SLC35G2: variants seen among roughly 807,000 people sequenced by gnomAD.
The protein encoded by SLC35G2 is solute carrier family 35 member G2.
In SLC35G2, 20 loss-of-function variants were observed where a neutral mutation model predicts 27.2. The observed-to-expected ratio is 0.74, with a 90% CI of 0.52 to 1.07. The LOEUF is 1.07. SLC35G2 is among the 50% of genes least tolerant of loss of function. The pLI is 0.00. For missense variants in SLC35G2, 416 were observed against 493.3 expected, an observed-to-expected ratio of 0.84 and a Z score of 1.48; for synonymous variants, 148 against 165.3, an observed-to-expected ratio of 0.90 and a Z score of 0.80.
rs1159852220 is a variant in SLC35G2, at chr3:136,846,203, C to T, written c.-18-8240C>T. Among the ~76,000 whole-genome samples, 7 of 152,148 alleles carry T rather than the reference C, an allele frequency of 4.6e-5. No individual in the cohort carries two copies. The South Asian group carries it at 1.0e-3, about 23-fold the overall frequency. On this transcript the variant is annotated intron_variant, in intron 1 of 1. Transcript: ENST00000446465. ...CCCACTCTGCAAATTTTGGACATGC[C>T]GACGTGCCAGCCTCCATAATTCTGT...
chr3:136,852,289 T>C (rs1937685091), intron 1 of SLC35G2, among the ~76,000 whole-genome samples: 1 of 152,066 alleles, frequency 6.6e-6, no homozygotes, highest in Non-Finnish European at 1.5e-5. Flanking sequence ...ACAGGTGATA[T>C]TTTTTTCATG....
At chr3:136,826,967 T>TTTTG (rs141248412) in intron 1 of SLC35G2, among the ~76,000 whole-genome samples, 23 of 24,036 alleles carry the variant, frequency 9.6e-4, no homozygotes, top group African/African-American at 2.7e-3. Flanking sequence ...TCTTCTCTCT[T>TTTTG]TTTTCTTTTT....
chr3:136,853,591 A>G (rs997557504), intron 1 of SLC35G2, among the ~76,000 whole-genome samples: 5 of 152,252 alleles, frequency 3.3e-5, no homozygotes, highest in Non-Finnish European at 7.3e-5. Context: ...GTAAAAAAAT[A>G]AATAACAAAA....
chr3:136,855,651 T>G lies in SLC35G2; in HGVS notation c.1191T>G (p.Asn397Lys). ...CTGGCTATAAACTTTACTGGAGGAATTTAAGAAAGCAGGACTACCAGGAAA... is the reference window on the plus strand; with the variant it reads ...CTGGCTATAAACTTTACTGGAGGAAGTTAAGAAAGCAGGACTACCAGGAAA... ...VLAGYKLYWR[N>K]LRKQDYQEIL... The change falls in exon 2 of 2, where the codon AAT becomes AAG. Residue 397 changes from asparagine to lysine, a missense_variant. Physicochemically the swap from Asn to Lys is moderately conservative, Grantham distance 94 (BLOSUM62 0). Transcript: ENST00000446465. 6.2e-7 allele frequency: 1 copy of G among 1,612,350 alleles called. No homozygotes were observed. Among genetic ancestry groups the G allele is most frequent in the Non-Finnish European group, 8.5e-7 (1 of 1,178,482 alleles).
chr3:136,835,431 A>G (rs1936841334), intron 1 of SLC35G2, among the ~76,000 whole-genome samples: 1 of 151,622 alleles, frequency 6.6e-6, no homozygotes, highest in Non-Finnish European at 1.5e-5. Context: ...ATTCTTCCAA[A>G]TGTATCATAT....
In SLC35G2 at chr3:136,855,532, G is replaced by GCTAT; in HGVS notation, c.1073_1076dup (p.Met359IlefsTer14). The GCTAT allele has an allele frequency of 6.2e-7, 1 of 1,614,138 alleles. No individual in the cohort carries two copies. Among genetic ancestry groups the GCTAT allele is most frequent in the East Asian group, 2.2e-5 (1 of 44,888 alleles). On this transcript the variant is annotated frameshift_variant, in exon 2 of 2. Coordinates refer to ENST00000446465, the MANE Select transcript of SLC35G2 (RefSeq NM_025246.3). LOFTEE classifies it high-confidence loss of function. ...AGTACAACATTTGGAGATTGTGGTA[G>GCTAT]CTATGGTCTTGCAGCTTCTCGTGCT...
At chr3:136,849,418 A>G (rs1344827303) in intron 1 of SLC35G2, among the ~76,000 whole-genome samples, 1 of 151,986 alleles carries the variant, frequency 6.6e-6, no homozygotes, top group Non-Finnish European at 1.5e-5. Flanking sequence ...AAACGAAATC[A>G]TGTACCCAAA....
At chr3:136,829,375 C>T (rs1936667899) in intron 1 of SLC35G2, among the ~76,000 whole-genome samples, 1 of 152,098 alleles carries the variant, frequency 6.6e-6, no homozygotes, top group African/African-American at 2.4e-5. Context: ...GCGGCCGCCA[C>T]TATGCCCGGC....
rs1937867245 is a variant in SLC35G2, at chr3:136,854,534, AATATACTTCTC to A, written c.77_87del (p.Tyr26LeufsTer7). On this transcript the variant is annotated frameshift_variant, in exon 2 of 2. Coordinates refer to ENST00000446465, the MANE Select transcript of SLC35G2 (RefSeq NM_025246.3). LOFTEE classifies it high-confidence loss of function. ...ATACATCCCAACACAGTGATGGTGA[AATATACTTCTC>A]ATTATCCCCAGCCTGGCGATGATGG... 1 of 1,609,710 alleles carries A rather than the reference AATATACTTCTC, an allele frequency of 6.2e-7. No individual in the cohort carries two copies. The highest frequency in any genetic ancestry group is 8.5e-7 in the Non-Finnish European group (1 of 1,178,748).
At chr3:136,835,700 T>C (rs1936848372) in intron 1 of SLC35G2, among the ~76,000 whole-genome samples, 1 of 152,174 alleles carries the variant, frequency 6.6e-6, no homozygotes, top group African/African-American at 2.4e-5. Context: ...CATTTACTAG[T>C]TGGGATTCTA....
rs1937971884 is a variant in SLC35G2 at position 136,855,543 on chromosome 3, G to A, written c.1083G>A (p.Leu361=). ...TGGAGATTGTGGTAGCTATGGTCTT[G>A]CAGCTTCTCGTGCTGCACATATTTC... ...QHLEIVVAMV[L]QLLVLHIFPS... Residue 361 remains leucine, a synonymous_variant, in exon 2 of 2, where the codon TTG becomes TTA. Coordinates refer to ENST00000446465, the MANE Select transcript of SLC35G2 (RefSeq NM_025246.3). 3 of 1,614,118 alleles carry A rather than the reference G, an allele frequency of 1.9e-6. No individual in the cohort carries two copies. Among genetic ancestry groups the A allele is most frequent in the Non-Finnish European group, 2.5e-6 (3 of 1,180,000 alleles).
intron 1 of SLC35G2, chr3:136,842,064 A>G (rs1362709037): frequency 1.3e-5 from 2 of 151,614 alleles, no homozygotes; most frequent in African/African-American, 4.9e-5. Flanking sequence ...GTATTTTGAA[A>G]TAAAGATACT....
At chr3:136,830,104 C>CTTTTTT (rs71134418) in intron 1 of SLC35G2, among the ~76,000 whole-genome samples, 21 of 88,794 alleles carry the variant, frequency 2.4e-4, no homozygotes, top group South Asian at 4.4e-4. Flanking sequence ...TACATTATTT[C>CTTTTTT]TTTTTTTTTT....
intron 1 of SLC35G2, among the ~76,000 whole-genome samples, chr3:136,826,430 G>C (rs1006505120): frequency 3.3e-5 from 5 of 152,064 alleles, no homozygotes; most frequent in African/African-American, 1.2e-4. Flanking sequence ...ATTTTATTAT[G>C]ACTTTGATCT....
rs35630524 is a variant in SLC35G2 at position 136,819,545 on chromosome 3, CGT to C, written c.-99_-98del. On this transcript the variant is annotated 5_prime_UTR_variant, in exon 1 of 2. Transcript: ENST00000446465. ...GGTTTCCCGTTTCTTTCCGCTGTCG[CGT>C]GTCTGGGCCCTCCTGCAGCGTCCAT... 0.68 allele frequency: 102,323 copies of C among 151,518 alleles called. 34,848 individuals are homozygous for C. The highest frequency in any genetic ancestry group is 0.87 in the East Asian group (4,427 of 5,110). 9.4% of individuals were successfully genotyped at this position (151,518 alleles called of 1,614,324 possible).
intron 1 of SLC35G2, among the ~76,000 whole-genome samples, chr3:136,849,238 C>A (rs1937527214): frequency 1.3e-5 from 2 of 151,610 alleles, no homozygotes; most frequent in Admixed American, 6.6e-5. Context: ...CACATGTACT[C>A]CCTGAACCTA....
At chr3:136,839,482 G>A (rs1937000726) in intron 1 of SLC35G2, among the ~76,000 whole-genome samples, 1 of 151,994 alleles carries the variant, frequency 6.6e-6, no homozygotes, top group Non-Finnish European at 1.5e-5. Context: ...TGGTATGCCT[G>A]GTTCATTGCA....
chr3:136,853,348 C>T (rs1248098570), intron 1 of SLC35G2, among the ~76,000 whole-genome samples: 1 of 152,094 alleles, frequency 6.6e-6, no homozygotes, highest in African/African-American at 2.4e-5. Context: ...AAGTGATCCG[C>T]CCGCCTCAGC....
At chr3:136,835,447 G>C (rs1936841817) in intron 1 of SLC35G2, among the ~76,000 whole-genome samples, 1 of 151,500 alleles carries the variant, frequency 6.6e-6, no homozygotes, top group Non-Finnish European at 1.5e-5. Flanking sequence ...CATATTAAAA[G>C]GCACATAATA....
Sources: gnomAD v4.1 joint callset for allele counts (sites outside exome capture counted in the v4.1 genomes callset) on GRCh38, gnomAD v4.1.1 for gene constraint, MANE v1.5 for transcripts, NCBI Gene and HGNC (gene_info 2026-07-23, HGNC 2026-07-21) for gene names.